WDR7: variants seen among roughly 807,000 people sequenced by gnomAD.
WDR7 encodes the protein WD repeat domain 7, also known as WD repeat-containing protein 7.
A neutral mutation model predicts 169.4 loss-of-function variants in WDR7; 46 were observed. The observed-to-expected ratio is 0.27, with a 90% CI of 0.21 to 0.35. WDR7 has a LOEUF of 0.35. Ranked by LOEUF, WDR7 falls within the 10% of genes least tolerant of loss-of-function variation. The pLI, the probability that WDR7 is intolerant of heterozygous loss-of-function variation, is 1.00. For missense variants in WDR7, 1,534 were observed against 1,859.3 expected, an observed-to-expected ratio of 0.83 and a Z score of 3.22; for synonymous variants, 612 against 666.8, an observed-to-expected ratio of 0.92 and a Z score of 1.27.
At chr18:56,712,311 C>CTGG (rs2026104398) in intron 12 of WDR7, among the ~76,000 whole-genome samples, 1 of 152,114 alleles carries the variant, frequency 6.6e-6, no homozygotes, top group Admixed American at 6.5e-5. Context: ...TAAGGTCAGA[C>CTGG]TGGGTGACCT....
chr18:56,725,666 G>A lies in WDR7; in HGVS notation c.1775-5717G>A, dbSNP rs367971493. Among the ~76,000 whole-genome samples, 288 of 152,046 alleles carry A rather than the reference G, an allele frequency of 1.9e-3. 5 individuals are homozygous for A. In the East Asian group the frequency reaches 0.05, roughly 27 times the overall value. Reference sequence around the variant, plus strand: ...AGAAGCTCTTTAGTTTAATTAGATCGCATTTGTCAATTTTGGCTTTTGTTG... The same window carrying A: ...AGAAGCTCTTTAGTTTAATTAGATCACATTTGTCAATTTTGGCTTTTGTTG... On this transcript the variant is annotated intron_variant, in intron 13 of 27. Transcript: ENST00000254442.
intron 12 of WDR7, among the ~76,000 whole-genome samples, chr18:56,700,252 CTTTTTTTTTTTT>C (rs1226348026): frequency 3.0e-5 from 2 of 67,238 alleles, no homozygotes; most frequent in South Asian, 6.7e-4. Flanking sequence ...TTTTCATTTT[CTTTTTTTTTTTT>C]TTTTTTTTTT....
At position 56,694,767 on chromosome 18, in the gene WDR7, G is replaced by A. The variant is rs754929598; in HGVS notation, c.1108+7G>A. 5 of 1,598,982 alleles carry A rather than the reference G, an allele frequency of 3.1e-6. No individual in the cohort carries two copies. The African/African-American group carries it at 4.0e-5, about 13-fold the overall frequency. On this transcript the variant is annotated splice_region_variant and intron_variant, in intron 10 of 27. Coordinates refer to ENST00000254442, the MANE Select transcript of WDR7 (RefSeq NM_015285.3). ...AAACAGGGAAGTGAAGAAGGTAATA[G>A]TAAATCATGTGTAACAATTTCTTAA...
intron 9 of WDR7, among the ~76,000 whole-genome samples, chr18:56,693,395 T>A (rs1411604197): frequency 6.6e-6 from 1 of 152,124 alleles, no homozygotes; most frequent in Non-Finnish European, 1.5e-5. Context: ...CATAAGATCC[T>A]AATGAATGGT....
At chr18:56,732,004 G>T (rs1027212789) in intron 14 of WDR7, among the ~76,000 whole-genome samples, 3 of 152,138 alleles carry the variant, frequency 2.0e-5, no homozygotes, top group African/African-American at 7.2e-5. Context: ...TTAAAATTAG[G>T]TTCTGATTTT....
At chr18:56,657,706 C>T (rs1265084204) in intron 1 of WDR7, among the ~76,000 whole-genome samples, 3 of 152,166 alleles carry the variant, frequency 2.0e-5, no homozygotes, top group Non-Finnish European at 4.4e-5. Flanking sequence ...TTGTCTGTAT[C>T]TGATTCTTAA....
At chr18:56,683,365 C>T (rs1431347435) in intron 5 of WDR7, among the ~76,000 whole-genome samples, 1 of 152,186 alleles carries the variant, frequency 6.6e-6, no homozygotes, top group African/African-American at 2.4e-5. Context: ...GTTGAAACCT[C>T]TTAATAACAA....
intron 16 of WDR7, among the ~76,000 whole-genome samples, chr18:56,765,466 A>C (rs2044048465): frequency 6.6e-6 from 1 of 151,986 alleles, no homozygotes; most frequent in Non-Finnish European, 1.5e-5. Context: ...GTGTACATTC[A>C]AGTGCTATTA....
chr18:56,950,673 A>G (rs1314494997), intron 25 of WDR7, among the ~76,000 whole-genome samples: 1 of 152,144 alleles, frequency 6.6e-6, no homozygotes, highest in Non-Finnish European at 1.5e-5. Flanking sequence ...GGTAGGCTAG[A>G]TTTCAGGAAA....
At chr18:56,723,422 CT>C (rs2026367632) in intron 13 of WDR7, among the ~76,000 whole-genome samples, 1 of 150,880 alleles carries the variant, frequency 6.6e-6, no homozygotes, top group African/African-American at 2.4e-5. Context: ...ATTCTTTCAG[CT>C]TTTGCATGTT....
intron 19 of WDR7, among the ~76,000 whole-genome samples, chr18:56,807,093 T>C (rs2044786045): frequency 6.8e-6 from 1 of 147,242 alleles, no homozygotes; most frequent in Non-Finnish European, 1.5e-5. Context: ...ATGTAGTGAG[T>C]GCACTGTTTT....
chr18:56,793,206 T>G (rs1233682680), intron 19 of WDR7, among the ~76,000 whole-genome samples: 1 of 152,204 alleles, frequency 6.6e-6, no homozygotes, highest in African/African-American at 2.4e-5. Flanking sequence ...ACTTCATTAT[T>G]TTGAATTAAA....
chr18:56,765,208 C>G (rs1458368916), intron 16 of WDR7, among the ~76,000 whole-genome samples: 1 of 152,028 alleles, frequency 6.6e-6, no homozygotes, highest in African/African-American at 2.4e-5. Flanking sequence ...CTGCTTTTTA[C>G]TTGAGATGCA....
Position 57,027,307 on chromosome 18 carries a change from C to T in WDR7, c.*100C>T. 1 of 1,437,412 alleles carries T rather than the reference C, an allele frequency of 7.0e-7. No homozygotes were observed. The highest frequency in any genetic ancestry group is 9.3e-7 in the Non-Finnish European group (1 of 1,071,222). 89.0% of individuals were successfully genotyped at this position (1,437,412 alleles called of 1,614,324 possible). A position where few individuals can be genotyped will look rare whatever the true frequency, so the allele number is the denominator to read the frequency against. ...CACCAGATTGTTCCCAGGGGCCTGC[C>T]CACCCCAGTGCCATCCAGTGGCACG... On this transcript the variant is annotated 3_prime_UTR_variant, in exon 28 of 28. Coordinates refer to ENST00000254442, the MANE Select transcript of WDR7 (RefSeq NM_015285.3).
At chr18:56,890,150 A>G (rs531733984) in intron 21 of WDR7, among the ~76,000 whole-genome samples, 9 of 152,172 alleles carry the variant, frequency 5.9e-5, no homozygotes, top group Non-Finnish European at 1.3e-4. Flanking sequence ...CTTACCTGTT[A>G]TTATGACTTT....
intron 20 of WDR7, among the ~76,000 whole-genome samples, chr18:56,856,968 A>G (rs1174198609): frequency 6.6e-6 from 1 of 152,208 alleles, no homozygotes; most frequent in Non-Finnish European, 1.5e-5. Context: ...AAGTTATGTA[A>G]TATAAGGGAG....
At chr18:56,722,011 G>A (rs1281619167) in intron 13 of WDR7, among the ~76,000 whole-genome samples, 2 of 152,048 alleles carry the variant, frequency 1.3e-5, no homozygotes, top group African/African-American at 4.8e-5. Context: ...TGCACTCCAT[G>A]TTTTCTGATA....
intron 26 of WDR7, among the ~76,000 whole-genome samples, chr18:56,992,782 A>G (rs1434555231): frequency 6.6e-6 from 1 of 152,202 alleles, no homozygotes; most frequent in Non-Finnish European, 1.5e-5. Context: ...TCAATTCCCA[A>G]ATATTTCACT....
intron 19 of WDR7, among the ~76,000 whole-genome samples, chr18:56,808,603 A>T (rs186956512): frequency 2.6e-5 from 4 of 152,316 alleles, no homozygotes; most frequent in African/African-American, 9.6e-5. Context: ...ACATGTTACT[A>T]TATTAAAAAT....
Sources: allele counts gnomAD v4.1 joint callset (sites outside exome capture counted in the v4.1 genomes callset), GRCh38; gene constraint gnomAD v4.1.1; transcripts MANE v1.5; gene names NCBI Gene and HGNC (gene_info 2026-07-23, HGNC 2026-07-21).